FLT1: variants seen among roughly 807,000 people sequenced by gnomAD.
FLT1 encodes fms related receptor tyrosine kinase 1.
A neutral mutation model predicts 156.3 loss-of-function variants in FLT1; 49 were observed. The ratio of observed to expected loss-of-function variants is 0.31; its 90% confidence interval spans 0.25 to 0.40. FLT1 has a LOEUF of 0.40. Ranked by LOEUF, FLT1 falls within the 10% of genes least tolerant of loss-of-function variation. FLT1 has a pLI of 1.00. For missense variants in FLT1, 1,322 were observed against 1,637.2 expected, an observed-to-expected ratio of 0.81 and a Z score of 3.32; for synonymous variants, 594 against 583.8, an observed-to-expected ratio of 1.02 and a Z score of -0.25.
intron 16 of FLT1, among the ~76,000 whole-genome samples, chr13:28,344,520 A>G (rs1446713342): frequency 1.3e-5 from 2 of 152,194 alleles, no homozygotes; most frequent in East Asian, 3.8e-4. Context: ...AGGGTCTTGC[A>G]CAGGGCCTGG....
intron 11 of FLT1, among the ~76,000 whole-genome samples, chr13:28,397,556 C>CTTT (rs953334592): frequency 8.2e-5 from 12 of 146,700 alleles, no homozygotes; most frequent in African/African-American, 3.0e-4. Flanking sequence ...TTGGCTGAAA[C>CTTT]TTTTTTTTTT....
At chr13:28,466,843 T>A in intron 3 of FLT1, 60 bp downstream of exon 3, 1 of 1,159,970 alleles carries the variant, frequency 8.6e-7, no homozygotes. Context: ...TGGATCAGGG[T>A]AGATTTATGA....
At position 28,301,877 on chromosome 13, in the gene FLT1, C is replaced by T; in HGVS notation, c.*1290G>A. On this transcript the variant is annotated 3_prime_UTR_variant, in exon 30 of 30. Coordinates refer to ENST00000282397, the MANE Select transcript of FLT1 (RefSeq NM_002019.4). ...ATCCTGAGTCCCAACTGGAGAAATA[C>T]CTTGCATAAATTACATACCACCTTT... The T allele has an allele frequency of 4.3e-6, 1 of 233,558 alleles. No individual in the cohort carries two copies. Among genetic ancestry groups the T allele is most frequent in the African/African-American group, 2.2e-5 (1 of 45,462 alleles). 14.5% of individuals were successfully genotyped at this position (233,558 alleles called of 1,614,324 possible).
chr13:28,385,865 T>C (rs902272812), intron 13 of FLT1: 14 of 1,052,650 alleles, frequency 1.3e-5, no homozygotes, highest in Non-Finnish European at 1.6e-5. Context: ...ACAGTATATC[T>C]CTAATGAAGT....
At chr13:28,433,706 A>G (rs1877840768) in intron 6 of FLT1, 113 bp downstream of exon 6, 1 of 1,001,798 alleles carries the variant, frequency 1.0e-6, no homozygotes, top group African/African-American at 1.6e-5. Context: ...TTTATTGACT[A>G]ACACTGCCAC....
chr13:28,336,896 C>T lies in FLT1; in HGVS notation c.2488+2272G>A, dbSNP rs190886631. 9.2e-3 allele frequency among the ~76,000 whole-genome samples: 1,391 copies of T among 151,878 alleles called. 8 individuals carry two copies. The highest frequency in any genetic ancestry group is 0.014 in the Admixed American group (210 of 15,246). Reference sequence around the variant, plus strand: ...CTGAGTAGCTGGGACTACAGGCACGCGCCACTACAGCTGGCTCATTTTTGT... The same window carrying T: ...CTGAGTAGCTGGGACTACAGGCACGTGCCACTACAGCTGGCTCATTTTTGT... On this transcript the variant is annotated intron_variant, in intron 17 of 29. Coordinates refer to ENST00000282397, the MANE Select transcript of FLT1 (RefSeq NM_002019.4).
chr13:28,317,382 G>T, intron 25 of FLT1, 116 bp downstream of exon 25: 2 of 775,878 alleles, frequency 2.6e-6, no homozygotes, highest in Non-Finnish European at 4.6e-6. Context: ...AAGGAAAGAA[G>T]AACCTTGGCA....
intron 15 of FLT1, among the ~76,000 whole-genome samples, chr13:28,351,778 T>C (rs1256460159): frequency 4.6e-5 from 7 of 152,246 alleles, no homozygotes; most frequent in African/African-American, 1.7e-4. Context: ...AGGAATTCTG[T>C]GGCTTAGAAC....
At chr13:28,317,986 G>T (rs1034332142) in intron 24 of FLT1, among the ~76,000 whole-genome samples, 1 of 151,992 alleles carries the variant, frequency 6.6e-6, no homozygotes, top group Non-Finnish European at 1.5e-5. Flanking sequence ...GAAGAGACGG[G>T]TCTCCCTCTG....
intron 20 of FLT1, among the ~76,000 whole-genome samples, chr13:28,323,372 C>T (rs1871550441): frequency 6.6e-6 from 1 of 152,136 alleles, no homozygotes; most frequent in African/African-American, 2.4e-5. Context: ...GCAAAGCTGG[C>T]CGGGCACAGT....
At chr13:28,372,855 T>C (rs1873682141) in intron 14 of FLT1, among the ~76,000 whole-genome samples, 1 of 151,448 alleles carries the variant, frequency 6.6e-6, no homozygotes, top group African/African-American at 2.4e-5. Flanking sequence ...GCACTCCAGC[T>C]TGGCAACAGA....
intron 15 of FLT1, among the ~76,000 whole-genome samples, chr13:28,348,697 C>T (rs1872643935): frequency 6.6e-6 from 1 of 152,152 alleles, no homozygotes; most frequent in African/African-American, 2.4e-5. Flanking sequence ...ATCATGAGGT[C>T]AAGAGATCGA....
chr13:28,494,170 C>T (rs1474374811), intron 1 of FLT1, among the ~76,000 whole-genome samples: 1 of 152,198 alleles, frequency 6.6e-6, no homozygotes, highest in Non-Finnish European at 1.5e-5. Context: ...GGGACTCAAG[C>T]GGGTCATGGG....
intron 3 of FLT1, among the ~76,000 whole-genome samples, chr13:28,444,486 T>C (rs1878502852): frequency 6.6e-6 from 1 of 151,960 alleles, no homozygotes; most frequent in Admixed American, 6.6e-5. Context: ...TTTAAAAAGC[T>C]AGTAGAACAC....
chr13:28,323,110 A>G (rs933834162), intron 20 of FLT1, among the ~76,000 whole-genome samples, 164 bp from the exon 21 acceptor site: 36 of 151,866 alleles, frequency 2.4e-4, no homozygotes, highest in African/African-American at 7.7e-4. Context: ...GAGCCTGACT[A>G]CCTCTGGAGT....
intron 12 of FLT1, among the ~76,000 whole-genome samples, chr13:28,395,231 C>T (rs1465429014): frequency 2.0e-5 from 3 of 152,140 alleles, no homozygotes; most frequent in South Asian, 2.1e-4. Flanking sequence ...AGTAGTTAGA[C>T]GTATGGTTTG....
At chr13:28,369,277 C>T (rs1873441966) in intron 14 of FLT1, among the ~76,000 whole-genome samples, 1 of 152,160 alleles carries the variant, frequency 6.6e-6, no homozygotes, top group Non-Finnish European at 1.5e-5. Flanking sequence ...ATAGTTCCAA[C>T]ACTTTGGGAG....
chr13:28,338,085 A>G (rs539499974), intron 17 of FLT1, among the ~76,000 whole-genome samples: 8 of 151,902 alleles, frequency 5.3e-5, no homozygotes, highest in Non-Finnish European at 1.2e-4. Flanking sequence ...ACTGATTTCC[A>G]AGTTTCCTCC....
intron 14 of FLT1, among the ~76,000 whole-genome samples, chr13:28,375,788 A>G (rs1408243): frequency 0.077 from 11,685 of 152,272 alleles, 481 homozygotes; most frequent in South Asian, 0.13. Flanking sequence ...CAGCCAGCTC[A>G]CCCTCACAGG....
Sources: allele counts gnomAD v4.1 joint callset (sites outside exome capture counted in the v4.1 genomes callset), GRCh38; gene constraint gnomAD v4.1.1; transcripts MANE v1.5; gene names NCBI Gene and HGNC (gene_info 2026-07-23, HGNC 2026-07-21).